The following CD44 variants were observed in gnomAD, a reference collection of about 807,000 sequenced individuals.
CD44 encodes the protein CD44 antigen.
A neutral mutation model predicts 88.8 loss-of-function variants in CD44; 49 were observed. The ratio of observed to expected loss-of-function variants is 0.55; its 90% CI spans 0.44 to 0.70. CD44 has a LOEUF of 0.70. Ranked by LOEUF, CD44 falls within the 30% of genes least tolerant of loss-of-function variation. CD44 has a pLI of 0.00. For missense variants in CD44, 883 were observed against 913.8 expected (o/e 0.97, Z 0.43); for synonymous variants, 325 against 312.3 (o/e 1.04, Z -0.43).
Position 35,167,252 on chromosome 11 carries a change from TTG to T in CD44, c.68-9305_68-9304del, listed in dbSNP as rs5791035. Among the ~76,000 whole-genome samples, 12 of 151,116 alleles carry T rather than the reference TTG, an allele frequency of 7.9e-5. No individual in the cohort carries two copies. In the South Asian group the frequency reaches 8.4e-4, roughly 11 times the overall value. On this transcript the variant is annotated intron_variant, in intron 1 of 17. Coordinates refer to ENST00000428726, the MANE Select transcript of CD44 (RefSeq NM_000610.4). Reference sequence around the variant, plus strand: ...ATCTGCAATTATGAACCACTGAGTTTTGTGTGTGTGTGTGTGTGTTTTTGTTT... The same window carrying T: ...ATCTGCAATTATGAACCACTGAGTTTTGTGTGTGTGTGTGTGTTTTTGTTT...
At chr11:35,192,790 CTTTTT>C (rs35505196) in intron 5 of CD44, among the ~76,000 whole-genome samples, 2 of 109,576 alleles carry the variant, frequency 1.8e-5, no homozygotes, top group African/African-American at 3.7e-5. Context: ...GGAATTCTTT[CTTTTT>C]TTTTTTTTTT....
At chr11:35,186,694 C>T in intron 3 of CD44, 138 bp from the exon 4 acceptor site, 1 of 582,348 alleles carries the variant, frequency 1.7e-6, no homozygotes, top group Non-Finnish European at 3.1e-6. Flanking sequence ...AAATTCCTAG[C>T]CAACTTAGGA....
At chr11:35,184,742 G>A (rs77058956) in intron 3 of CD44, among the ~76,000 whole-genome samples, 22,647 of 152,102 alleles carry the variant, frequency 0.15, 1,837 homozygotes, top group Admixed American at 0.21. Flanking sequence ...GTGTTGAGTA[G>A]ATGCTTAAAA....
chr11:35,213,885 T>G (rs1216991457), intron 14 of CD44: 16 of 152,160 alleles, frequency 1.1e-4, no homozygotes, highest in Non-Finnish European at 2.4e-4. Context: ...TGTCACCCGC[T>G]TCCACCTTCT....
chr11:35,179,746 G>A lies in CD44; in HGVS notation c.234-528G>A, dbSNP rs115887104. On this transcript the variant is annotated intron_variant, in intron 2 of 17. Transcript: ENST00000428726. Reference sequence around the variant, plus strand: ...TTCATGTTTAGGGCAATGGAGTATGGAGTAAGGGGACTCACAGGAAAAGTT... The same window carrying A: ...TTCATGTTTAGGGCAATGGAGTATGAAGTAAGGGGACTCACAGGAAAAGTT... Among the ~76,000 whole-genome samples the A allele has an allele frequency of 1.8e-3, 272 of 152,324 alleles. 1 individual carries two copies. The highest frequency in any genetic ancestry group is 6.3e-3 in the African/African-American group (262 of 41,560).
intron 1 of CD44, among the ~76,000 whole-genome samples, chr11:35,163,517 T>C (rs900193459): frequency 2.6e-5 from 4 of 152,184 alleles, no homozygotes; most frequent in African/African-American, 7.2e-5. Context: ...ATATCCTTCA[T>C]AGGAGAATTA....
intron 4 of CD44, among the ~76,000 whole-genome samples, chr11:35,188,331 C>T (rs113866325): frequency 1.5e-4 from 23 of 152,334 alleles, no homozygotes; most frequent in African/African-American, 4.6e-4. Context: ...CTCAGCAGGC[C>T]TGGTATGAAA....
intron 5 of CD44, among the ~76,000 whole-genome samples, chr11:35,194,995 G>A (rs1474153002): frequency 6.6e-6 from 1 of 152,188 alleles, no homozygotes; most frequent in Non-Finnish European, 1.5e-5. Context: ...TGTAGGCCCT[G>A]AACCCTTCTT....
At chr11:35,149,272 A>G (rs538605939) in intron 1 of CD44, among the ~76,000 whole-genome samples, 1 of 152,230 alleles carries the variant, frequency 6.6e-6, no homozygotes, top group South Asian at 2.1e-4. Context: ...AACCTCCCAG[A>G]CTAAAAATCA....
chr11:35,188,462 T>C (rs1229220264), intron 4 of CD44, among the ~76,000 whole-genome samples: 1 of 152,232 alleles, frequency 6.6e-6, no homozygotes, highest in Admixed American at 6.5e-5. Context: ...CTATGTCTAA[T>C]GTATGTCCAG....
At chr11:35,199,932 T>G (rs34932141) in intron 7 of CD44, among the ~76,000 whole-genome samples, 1 of 45,638 alleles carries the variant, frequency 2.2e-5, no homozygotes, top group Non-Finnish European at 4.1e-5. Context: ...TCCCATGGTG[T>G]TGTTTTTTTT....
chr11:35,217,357 A>T (rs1390537103), intron 15 of CD44, among the ~76,000 whole-genome samples: 14 of 115,636 alleles, frequency 1.2e-4, no homozygotes, highest in Admixed American at 7.8e-4. Context: ...GTCAGAAAAG[A>T]AAAAAAAAAA....
At chr11:35,147,089 G>A (rs1416712774) in intron 1 of CD44, among the ~76,000 whole-genome samples, 1 of 152,200 alleles carries the variant, frequency 6.6e-6, no homozygotes, top group Non-Finnish European at 1.5e-5. Context: ...TGAAAGGGAT[G>A]TGAATTGAGT....
intron 1 of CD44, among the ~76,000 whole-genome samples, chr11:35,164,797 A>G (rs1421675169): frequency 6.6e-6 from 1 of 152,236 alleles, no homozygotes; most frequent in African/African-American, 2.4e-5. Flanking sequence ...TGATAATACT[A>G]AGCCTGGCTC....
intron 11 of CD44, among the ~76,000 whole-genome samples, chr11:35,206,761 A>G (rs991098213): frequency 2.6e-4 from 40 of 151,708 alleles, no homozygotes; most frequent in Admixed American, 1.8e-3. Flanking sequence ...GAGTGGATCC[A>G]TTTTTCACAA....
At chr11:35,145,098 A>G (rs1172961733) in intron 1 of CD44, among the ~76,000 whole-genome samples, 1 of 152,248 alleles carries the variant, frequency 6.6e-6, no homozygotes, top group Admixed American at 6.5e-5. Flanking sequence ...GGAATTGGTG[A>G]TGCCAAAGAA....
intron 15 of CD44, among the ~76,000 whole-genome samples, chr11:35,216,554 T>A (rs1948846334): frequency 2.0e-5 from 3 of 152,186 alleles, no homozygotes; most frequent in African/African-American, 7.2e-5. Flanking sequence ...GAGACAGAAG[T>A]CACAGGTTCA....
chr11:35,181,066 A>T (rs1043088504), intron 3 of CD44, among the ~76,000 whole-genome samples: 1 of 152,162 alleles, frequency 6.6e-6, no homozygotes, highest in African/African-American at 2.4e-5. Flanking sequence ...TCTCAGTGTG[A>T]TGGGAAGTCA....
intron 12 of CD44, among the ~76,000 whole-genome samples, chr11:35,209,602 T>C (rs1001392947): frequency 6.6e-6 from 1 of 152,120 alleles, no homozygotes; most frequent in South Asian, 2.1e-4. Flanking sequence ...GATAGGAGCA[T>C]TGGGATTCAA....
Sources: allele counts gnomAD v4.1 joint callset (sites outside exome capture counted in the v4.1 genomes callset), GRCh38; gene constraint gnomAD v4.1.1; transcripts MANE v1.5; gene names NCBI Gene and HGNC (gene_info 2026-07-23, HGNC 2026-07-21).